ABR: variants seen among roughly 807,000 people sequenced by gnomAD.
The protein encoded by ABR is ABR activator of RhoGEF and GTPase.
Under a neutral mutation model 107.2 loss-of-function variants are expected in ABR, and 35 were observed. The ratio of observed to expected loss-of-function variants is 0.33; its 90% CI spans 0.25 to 0.43. The LOEUF is 0.43. ABR is among the 20% of genes least tolerant of loss of function. ABR has a pLI of 1.00. For missense variants in ABR, 815 were observed against 1,115.2 expected, an observed-to-expected ratio of 0.73 and a Z score of 3.83; for synonymous variants, 498 against 462.0, an observed-to-expected ratio of 1.08 and a Z score of -1.00.
chr17:1,199,741 C>T (rs1352688049), intron 1 of ABR, among the ~76,000 whole-genome samples: 1 of 152,158 alleles, frequency 6.6e-6, no homozygotes, highest in Non-Finnish European at 1.5e-5. Flanking sequence ...GTGTGAGCCA[C>T]AGCACCTGGC....
chr17:1,006,332 A>G (rs1228343065), intron 22 of ABR, among the ~76,000 whole-genome samples, 163 bp from the exon 23 acceptor site: 1 of 152,206 alleles, frequency 6.6e-6, no homozygotes, highest in African/African-American at 2.4e-5. Flanking sequence ...GGAAGGTGCT[A>G]CGGGGCAGAG....
chr17:1,189,842 AC>A, upstream of ABR, among the ~76,000 whole-genome samples: 1 of 152,276 alleles, frequency 6.6e-6, no homozygotes, highest in Non-Finnish European at 1.5e-5. Context: ...GATAGGAACC[AC>A]ATCTGTTATT....
chr17:1,018,605 TC>T (rs1003157597), intron 16 of ABR, among the ~76,000 whole-genome samples: 4 of 151,236 alleles, frequency 2.6e-5, no homozygotes, highest in African/African-American at 9.7e-5. Context: ...CACAACCTGG[TC>T]GGGGGGAGTG....
intron 1 of ABR, chr17:1,125,713 A>G (rs577282152): frequency 9.4e-6 from 3 of 319,524 alleles, no homozygotes; most frequent in South Asian, 1.4e-4. Context: ...AAGAGGCAGG[A>G]CGCTTCCAAC....
At chr17:1,065,975 C>T (rs900784103) in intron 10 of ABR, among the ~76,000 whole-genome samples, 2 of 152,144 alleles carry the variant, frequency 1.3e-5, no homozygotes, top group African/African-American at 4.8e-5. Flanking sequence ...AAACTCCTGA[C>T]CTCAGGTGAC....
chr17:1,023,606 G>T (rs1229669666), intron 16 of ABR, among the ~76,000 whole-genome samples: 1 of 152,244 alleles, frequency 6.6e-6, no homozygotes, highest in African/African-American at 2.4e-5. Context: ...AGAGGTCAAA[G>T]TCCAAGATGA....
At position 1,011,566 on chromosome 17, in the gene ABR, G is replaced by A. The variant is rs563058545; in HGVS notation, c.2101+280C>T. 2 of 286,564 alleles carry A rather than the reference G, an allele frequency of 7.0e-6. No homozygotes were observed. Among genetic ancestry groups the A allele is most frequent in the South Asian group, 2.4e-4 (2 of 8,270 alleles). 17.8% of individuals were successfully genotyped at this position (286,564 alleles called of 1,614,324 possible). A position where few individuals can be genotyped will look rare whatever the true frequency, so the allele number is the denominator to read the frequency against. ...CCAGGAACTAGCAAGAAAGACACTG[G>A]AGTCAGATCTGAGTTTTAAGTCCAG... is the stretch of plus-strand genomic sequence containing the variant. On this transcript the variant is annotated intron_variant, in intron 19 of 22. Transcript: ENST00000302538. The surrounding 1 kb of genome is among the most constrained non-coding windows in gnomAD (Gnocchi z 4.8).
chr17:1,058,109 TG>T, intron 11 of ABR, 64 bp from the exon 12 acceptor site: 1 of 1,059,562 alleles, frequency 9.4e-7, no homozygotes. Context: ...TCCCAGATCC[TG>T]GGGACCCCAA....
rs2073318237 is a variant in ABR at position 1,037,889 on chromosome 17, T to A, written c.1791+12161A>T. Among the ~76,000 whole-genome samples, 1 of 152,148 alleles carries A rather than the reference T, an allele frequency of 6.6e-6. No homozygotes were observed. Among genetic ancestry groups the A allele is most frequent in the East Asian group, 1.9e-4 (1 of 5,176 alleles). Reference sequence around the variant, plus strand: ...CCTGTGGACTCAACGGCTGTGTTTTTCTCTGGGTTCAGTTTCCACAGCTGT... The same window carrying A: ...CCTGTGGACTCAACGGCTGTGTTTTACTCTGGGTTCAGTTTCCACAGCTGT... On this transcript the variant is annotated intron_variant, in intron 16 of 22. Transcript: ENST00000302538. This position sits in a 1 kb window ranked among gnomAD's most constrained non-coding sequence, Gnocchi z 4.6.
chr17:1,058,134 A>AAC, intron 11 of ABR, 89 bp from the exon 12 acceptor site: 25 of 471,538 alleles, frequency 5.3e-5, no homozygotes, highest in Non-Finnish European at 6.5e-5. Context: ...AGCTCCTTTT[A>AAC]TCTTTTTTTT....
rs867046055 is a variant in ABR at position 1,052,419 on chromosome 17, G to C, written c.1562-1785C>G. Among the ~76,000 whole-genome samples the C allele has an allele frequency of 2.7e-3, 227 of 83,226 alleles. 4 individuals carry two copies. The highest frequency in any genetic ancestry group is 0.012 in the African/African-American group (209 of 18,056). The allele number at this position is 83,226 out of a possible 152,430, so 54.6% of individuals were successfully genotyped here. On this transcript the variant is annotated intron_variant, in intron 14 of 22. Coordinates refer to ENST00000302538, the MANE Select transcript of ABR (RefSeq NM_021962.5). ...CAGGGTCAGAGGGAGGGTTCCGGAA[G>C]GGGCTGGGGGAGGGTTCACAGGGTC...
Position 1,011,798 on chromosome 17 carries a change from C to T in ABR, c.2101+48G>A, listed in dbSNP as rs191373852. 6 of 1,529,926 alleles carry T rather than the reference C, an allele frequency of 3.9e-6. No homozygotes were observed. The highest frequency in any genetic ancestry group is 5.3e-6 in the Non-Finnish European group (6 of 1,133,314). The allele number at this position is 1,529,926 out of a possible 1,614,324, so 94.8% of individuals were successfully genotyped here. On this transcript the variant is annotated intron_variant, in intron 19 of 22. Transcript: ENST00000302538. The surrounding 1 kb of genome is among the most constrained non-coding windows in gnomAD (Gnocchi z 4.8). The stretch of plus-strand genomic sequence containing the variant: ...GAGCTCTCCTGTCCATCCCACCAGC[C>T]TGCTCAGACACAGCCACACCTGCCC...
At chr17:1,056,718 C>G (rs2033318124) in intron 13 of ABR, among the ~76,000 whole-genome samples, 2 of 152,324 alleles carry the variant, frequency 1.3e-5, no homozygotes, top group South Asian at 4.1e-4. Flanking sequence ...TCTACCGGGT[C>G]TGCTCTCTCA....
At chr17:1,218,139 A>G (rs1051217802) in intron 1 of ABR, among the ~76,000 whole-genome samples, 3 of 152,340 alleles carry the variant, frequency 2.0e-5, no homozygotes, top group African/African-American at 2.4e-5. Context: ...GGAGCTCACC[A>G]CATGCCGGAC....
At chr17:1,140,568 C>T (rs538708007) in intron 1 of ABR, among the ~76,000 whole-genome samples, 1 of 152,246 alleles carries the variant, frequency 6.6e-6, no homozygotes, top group Non-Finnish European at 1.5e-5. Flanking sequence ...CTGTCTTCTA[C>T]TGCACTTTAT....
intron 21 of ABR, among the ~76,000 whole-genome samples, chr17:1,007,726 T>C (rs1408101612): frequency 6.6e-6 from 1 of 151,200 alleles, no homozygotes; most frequent in Non-Finnish European, 1.5e-5. Context: ...TACAGAGGGG[T>C]TAAGTGACTT....
rs369883416 is a variant in ABR at position 1,027,774 on chromosome 17, C to G, written c.1792-14610G>C. On this transcript the variant is annotated intron_variant, in intron 16 of 22. Coordinates refer to ENST00000302538, the MANE Select transcript of ABR (RefSeq NM_021962.5). This position sits in a 1 kb window ranked among gnomAD's most constrained non-coding sequence, Gnocchi z 4.7. ...GGTGTGTGTGAACAGAGAAGACGCA[C>G]GATGAAGCTTTCTTCCCACCGGGAA... Among the ~76,000 whole-genome samples, 1 of 151,806 alleles carries G rather than the reference C, an allele frequency of 6.6e-6. No homozygotes were observed. Among genetic ancestry groups the G allele is most frequent in the African/African-American group, 2.4e-5 (1 of 41,320 alleles).
intron 1 of ABR, among the ~76,000 whole-genome samples, chr17:1,133,966 G>C (rs2039950845): frequency 6.6e-6 from 1 of 152,172 alleles, no homozygotes; most frequent in African/African-American, 2.4e-5. Context: ...TGGCTTTACT[G>C]CTGCCACCAG....
rs919234674 is a variant in ABR at position 1,222,157 on chromosome 17, C to A, written c.838+6636G>T. On this transcript the variant is annotated intron_variant, in intron 1 of 22. Transcript: ENST00000574139. ...TCGGCTCACTGCAACCTCTGCCTCC[C>A]GGGTTCAAGCAATTCTCCTGCCTCA... Among the ~76,000 whole-genome samples, 4 of 149,028 alleles carry A rather than the reference C, an allele frequency of 2.7e-5. No individual in the cohort carries two copies. In the Admixed American group the frequency reaches 2.7e-4, roughly 10 times the overall value.
Sources: allele counts gnomAD v4.1 joint callset (sites outside exome capture counted in the v4.1 genomes callset), GRCh38; gene constraint gnomAD v4.1.1; non-coding constraint Gnocchi (gnomAD v3.1); transcripts MANE v1.5; gene names NCBI Gene and HGNC (gene_info 2026-07-23, HGNC 2026-07-21).